The following BCL2 variants were observed in gnomAD, a reference collection of about 807,000 sequenced individuals.
The protein encoded by BCL2 is BCL2 apoptosis regulator.
Under a neutral mutation model 14.2 loss-of-function variants are expected in BCL2, and 1 was observed. That is an observed-to-expected ratio of 0.07 (90% CI 0.02 to 0.33). The LOEUF (loss-of-function observed/expected upper bound fraction) is 0.33, where lower values mean the gene tolerates loss of function less well. Ranked by LOEUF, BCL2 falls within the 10% of genes least tolerant of loss-of-function variation. The pLI, the probability that BCL2 is intolerant of heterozygous loss-of-function variation, is 0.99. For missense variants in BCL2, 247 were observed against 305.9 expected (o/e 0.81, Z 1.44); for synonymous variants, 151 against 137.2 (o/e 1.10, Z -0.70).
At chr18:63,167,851 G>C (rs533504041) in intron 2 of BCL2, among the ~76,000 whole-genome samples, 1 of 152,082 alleles carries the variant, frequency 6.6e-6, no homozygotes, top group South Asian at 2.1e-4. Context: ...ATTTAAACCC[G>C]GGAGGCAGAG....
chr18:63,292,487 T>C (rs1294421545), intron 2 of BCL2, among the ~76,000 whole-genome samples: 1 of 152,220 alleles, frequency 6.6e-6, no homozygotes, highest in Non-Finnish European at 1.5e-5. Context: ...CCAGACTTTA[T>C]ACAGCGCACT....
chr18:63,281,210 T>G (rs1912298596), intron 2 of BCL2, among the ~76,000 whole-genome samples: 2 of 152,114 alleles, frequency 1.3e-5, no homozygotes, highest in South Asian at 2.1e-4. Context: ...ATCCTGAGTT[T>G]CTGTCTGAGA....
intron 2 of BCL2, among the ~76,000 whole-genome samples, chr18:63,135,857 C>T (rs1914194682): frequency 6.6e-6 from 1 of 152,158 alleles, no homozygotes; most frequent in African/African-American, 2.4e-5. Context: ...GGCTCACTTC[C>T]CACCCACATT....
intron 2 of BCL2, among the ~76,000 whole-genome samples, chr18:63,154,188 C>T (rs1310533288): frequency 6.6e-6 from 1 of 152,186 alleles, no homozygotes; most frequent in Non-Finnish European, 1.5e-5. Flanking sequence ...CAACTCCTCC[C>T]TCTTCTTTTC....
At chr18:63,239,770 A>G (rs184360755) in intron 2 of BCL2, among the ~76,000 whole-genome samples, 1 of 151,994 alleles carries the variant, frequency 6.6e-6, no homozygotes, top group East Asian at 1.9e-4. Flanking sequence ...ACTCTTTATC[A>G]GGTCACATTA....
chr18:63,261,281 T>A (rs2144224359), intron 2 of BCL2, among the ~76,000 whole-genome samples: 1 of 152,212 alleles, frequency 6.6e-6, no homozygotes, highest in South Asian at 2.1e-4. Context: ...AGCTGCTTGG[T>A]TGTGAGTGAC....
rs141626877 is a variant in BCL2, at chr18:63,187,746, C to T, written c.586-58987G>A. On this transcript the variant is annotated intron_variant, in intron 2 of 2. Coordinates refer to ENST00000333681, the MANE Select transcript of BCL2 (RefSeq NM_000633.3). ...TCTACATGGCCACCCTGGGGGTACACGTGGAGCTGTGGAAATCTCTAAAAT... is the reference window on the plus strand; with the variant it reads ...TCTACATGGCCACCCTGGGGGTACATGTGGAGCTGTGGAAATCTCTAAAAT... 3.3e-3 allele frequency among the ~76,000 whole-genome samples: 498 copies of T among 152,318 alleles called. 9 individuals carry two copies. The highest frequency in any genetic ancestry group is 0.027 in the Admixed American group (418 of 15,302).
At chr18:63,255,145 G>A (rs1367683131) in intron 2 of BCL2, among the ~76,000 whole-genome samples, 1 of 152,204 alleles carries the variant, frequency 6.6e-6, no homozygotes, top group Non-Finnish European at 1.5e-5. Flanking sequence ...TGGCATGGCT[G>A]AGGTCCAAAA....
intron 2 of BCL2, among the ~76,000 whole-genome samples, chr18:63,284,156 C>T (rs1015241376): frequency 1.3e-5 from 2 of 152,084 alleles, no homozygotes; most frequent in Admixed American, 1.3e-4. Context: ...CCTGGGTTCC[C>T]CTCTCCAGCC....
chr18:63,199,798 C>A (rs575597471), intron 2 of BCL2, among the ~76,000 whole-genome samples: 1 of 152,164 alleles, frequency 6.6e-6, no homozygotes, highest in Non-Finnish European at 1.5e-5. Context: ...TGAGGCTCAT[C>A]CCACTTCTGT....
chr18:63,279,725 A>G (rs967197473), intron 2 of BCL2, among the ~76,000 whole-genome samples: 2 of 152,268 alleles, frequency 1.3e-5, no homozygotes, highest in African/African-American at 4.8e-5. Flanking sequence ...ACAATAAAAT[A>G]CAACAAGGAA....
chr18:63,256,602 C>A (rs1329194533), intron 2 of BCL2, among the ~76,000 whole-genome samples: 4 of 152,194 alleles, frequency 2.6e-5, no homozygotes, highest in African/African-American at 7.2e-5. Context: ...TATGTATCTA[C>A]TTAAATTCAT....
intron 2 of BCL2, among the ~76,000 whole-genome samples, chr18:63,179,314 T>C (rs112287057): frequency 6.6e-6 from 1 of 152,094 alleles, no homozygotes; most frequent in African/African-American, 2.4e-5. Context: ...AGGAGAGAAT[T>C]TGAGACAGGC....
At chr18:63,317,968 T>C in intron 2 of BCL2, 114 bp downstream of exon 2, 1 of 1,490,456 alleles carries the variant, frequency 6.7e-7, no homozygotes, top group Admixed American at 2.2e-5. Context: ...ACAACTCTGA[T>C]TTTATTTCGC....
chr18:63,204,135 T>C (rs902916171), intron 2 of BCL2, among the ~76,000 whole-genome samples: 5 of 152,216 alleles, frequency 3.3e-5, no homozygotes, highest in Admixed American at 6.5e-5. Flanking sequence ...TGCTCACATA[T>C]GAACTGACTA....
intron 2 of BCL2, among the ~76,000 whole-genome samples, chr18:63,169,369 C>CCT (rs1555697363): frequency 1.4e-5 from 1 of 69,552 alleles, no homozygotes; most frequent in Admixed American, 1.5e-4. Context: ...TTCTTTCTTT[C>CCT]TCTTTCTTTC....
At chr18:63,228,678 G>A (rs1176001170) in intron 2 of BCL2, among the ~76,000 whole-genome samples, 2 of 151,268 alleles carry the variant, frequency 1.3e-5, no homozygotes, top group Non-Finnish European at 2.9e-5. Flanking sequence ...ATAAATGAAC[G>A]GATCTGATAA....
Position 63,125,598 on chromosome 18 carries a change from G to A in BCL2, c.*3027C>T, listed in dbSNP as rs1913891914. 1 of 213,356 alleles carries A rather than the reference G, an allele frequency of 4.7e-6. No homozygotes were observed. The highest frequency in any genetic ancestry group is 9.5e-6 in the Non-Finnish European group (1 of 105,470). 13.2% of individuals were successfully genotyped at this position (213,356 alleles called of 1,614,324 possible). Reference sequence around the variant, plus strand: ...TTTTTCATTCATAAAGAGCAGTTAAGATGCAGATGTGAATCCCTCTTCAAT... The same window carrying A: ...TTTTTCATTCATAAAGAGCAGTTAAAATGCAGATGTGAATCCCTCTTCAAT... On this transcript the variant is annotated 3_prime_UTR_variant, in exon 3 of 3. Coordinates refer to ENST00000333681, the MANE Select transcript of BCL2 (RefSeq NM_000633.3).
At chr18:63,159,578 T>A (rs1914866880) in intron 2 of BCL2, among the ~76,000 whole-genome samples, 1 of 152,246 alleles carries the variant, frequency 6.6e-6, no homozygotes, top group Admixed American at 6.5e-5. Flanking sequence ...TGATAGAATG[T>A]AACAGAGACA....
Sources: gnomAD v4.1 joint callset for allele counts (sites outside exome capture counted in the v4.1 genomes callset) on GRCh38, gnomAD v4.1.1 for gene constraint, MANE v1.5 for transcripts, NCBI Gene and HGNC (gene_info 2026-07-23, HGNC 2026-07-21) for gene names.